GRM8: variants seen among roughly 807,000 people sequenced by gnomAD.
The protein encoded by GRM8 is metabotropic glutamate receptor 8.
In GRM8, 47 loss-of-function variants were observed where a neutral mutation model predicts 87.2. The ratio of observed to expected loss-of-function variants is 0.54; its 90% CI spans 0.43 to 0.69. The LOEUF (loss-of-function observed/expected upper bound fraction) is 0.69. GRM8 is among the 30% of genes least tolerant of loss of function. GRM8 has a pLI of 0.00. For synonymous variants in GRM8, 396 were observed against 404.5 expected (o/e 0.98, Z 0.25); for missense variants, 1,019 against 1,139.2 (o/e 0.89, Z 1.52).
chr7:126,771,944 C>T (rs922262291), intron 6 of GRM8, among the ~76,000 whole-genome samples: 1 of 152,048 alleles, frequency 6.6e-6, no homozygotes, highest in Non-Finnish European at 1.5e-5. Context: ...TCTCCCTATC[C>T]CTAGGTTATA....
chr7:127,129,292 A>G (rs888644704), intron 2 of GRM8, among the ~76,000 whole-genome samples: 46 of 152,282 alleles, frequency 3.0e-4, no homozygotes, highest in African/African-American at 9.6e-4. Context: ...TGCTGAAGCT[A>G]TTAGCTAATA....
intron 6 of GRM8, among the ~76,000 whole-genome samples, chr7:126,900,766 T>C (rs968677707): frequency 6.2e-4 from 95 of 152,240 alleles, no homozygotes; most frequent in African/African-American, 2.1e-3. Flanking sequence ...CACCTCGGCC[T>C]CCCAAAGTGC....
chr7:127,216,618 CT>C (rs986300111), intron 2 of GRM8, among the ~76,000 whole-genome samples: 3 of 151,846 alleles, frequency 2.0e-5, no homozygotes, highest in Non-Finnish European at 4.4e-5. Flanking sequence ...TGCCATTTCC[CT>C]GTTGAAGCAC....
chr7:126,536,288 C>T (rs1815708233), intron 8 of GRM8, among the ~76,000 whole-genome samples: 1 of 152,194 alleles, frequency 6.6e-6, no homozygotes, highest in Admixed American at 6.5e-5. Flanking sequence ...TGAACAATTA[C>T]TTAAGAATGC....
chr7:127,148,782 A>G (rs1464138167), intron 2 of GRM8, among the ~76,000 whole-genome samples: 1 of 152,064 alleles, frequency 6.6e-6, no homozygotes, highest in Non-Finnish European at 1.5e-5. Flanking sequence ...AGGACAAATG[A>G]CAATGCAAAC....
At chr7:127,041,470 G>A (rs1409955836) in intron 3 of GRM8, among the ~76,000 whole-genome samples, 2 of 152,160 alleles carry the variant, frequency 1.3e-5, no homozygotes, top group Admixed American at 6.5e-5. Flanking sequence ...TTCATTTAGA[G>A]CCAATGATCA....
intron 8 of GRM8, among the ~76,000 whole-genome samples, chr7:126,608,248 C>T (rs1798562984): frequency 6.6e-6 from 1 of 151,986 alleles, no homozygotes; most frequent in Non-Finnish European, 1.5e-5. Flanking sequence ...GTGATGGTAC[C>T]TAGCAGCTCT....
At chr7:127,145,423 T>C (rs887070126) in intron 2 of GRM8, among the ~76,000 whole-genome samples, 1 of 152,142 alleles carries the variant, frequency 6.6e-6, no homozygotes, top group Admixed American at 6.6e-5. Context: ...AAGCACAGTA[T>C]ACTAAAGTAT....
chr7:126,480,397 ATAAATAAG>A (rs1806528792), intron 9 of GRM8, among the ~76,000 whole-genome samples: 1 of 75,910 alleles, frequency 1.3e-5, no homozygotes, highest in Non-Finnish European at 3.6e-5. Flanking sequence ...AAATAAATAA[ATAAATAAG>A]TAAGTAAATA....
intron 3 of GRM8, among the ~76,000 whole-genome samples, chr7:126,922,838 C>T (rs1011529700): frequency 7.2e-5 from 11 of 152,126 alleles, no homozygotes; most frequent in South Asian, 2.1e-4. Context: ...TATGTAGCAC[C>T]TCCCCCTCCC....
chr7:126,531,075 A>G (rs987034612), intron 9 of GRM8, among the ~76,000 whole-genome samples: 140 of 152,342 alleles, frequency 9.2e-4, no homozygotes, highest in African/African-American at 3.2e-3. Flanking sequence ...TTGGACAGAG[A>G]ATAGCAGGTA....
At chr7:126,448,537 G>A (rs116165080) in intron 9 of GRM8, among the ~76,000 whole-genome samples, 1,928 of 151,906 alleles carry the variant, frequency 0.013, 54 homozygotes, top group African/African-American at 0.044. Context: ...TAGCTTCCTC[G>A]TTAAATAAAT....
intron 3 of GRM8, among the ~76,000 whole-genome samples, chr7:127,069,245 C>CTCCA: frequency 6.6e-6 from 1 of 152,346 alleles, no homozygotes; most frequent in African/African-American, 2.4e-5. Context: ...TCACTACAAC[C>CTCCA]TCCACCCTGT....
intron 7 of GRM8, among the ~76,000 whole-genome samples, chr7:126,693,054 G>A (rs1157160501): frequency 6.6e-6 from 1 of 152,150 alleles, no homozygotes; most frequent in African/African-American, 2.4e-5. Context: ...CTGGAAGAGT[G>A]AATAACAAAC....
chr7:126,944,142 C>T (rs1314089460), intron 3 of GRM8, among the ~76,000 whole-genome samples: 2 of 152,200 alleles, frequency 1.3e-5, no homozygotes, highest in Non-Finnish European at 2.9e-5. Context: ...GAGCTCCTGG[C>T]AACCTGAGAG....
intron 3 of GRM8, among the ~76,000 whole-genome samples, chr7:127,092,371 G>T (rs1341852194): frequency 6.6e-6 from 1 of 152,122 alleles, no homozygotes. Context: ...ATTAGAGAAG[G>T]CTTCCTGGAA....
At chr7:126,590,362 C>G (rs375881928) in intron 8 of GRM8, among the ~76,000 whole-genome samples, 2 of 151,682 alleles carry the variant, frequency 1.3e-5, no homozygotes, top group Non-Finnish European at 2.9e-5. Flanking sequence ...ATGAACAAAG[C>G]CTGCAAGAAG....
chr7:126,738,374 C>G (rs1053579204), intron 7 of GRM8, among the ~76,000 whole-genome samples: 2 of 151,970 alleles, frequency 1.3e-5, no homozygotes, highest in South Asian at 2.1e-4. Context: ...TAGGAGCAAT[C>G]TAGTGGGGAA....
chr7:126,476,207 G>A (rs1805886843), intron 9 of GRM8, among the ~76,000 whole-genome samples: 1 of 152,052 alleles, frequency 6.6e-6, no homozygotes, highest in African/African-American at 2.4e-5. Flanking sequence ...GACAAACCAA[G>A]TTATGTTGTT....
Sources: allele counts gnomAD v4.1 joint callset (sites outside exome capture counted in the v4.1 genomes callset), GRCh38; gene constraint gnomAD v4.1.1; transcripts MANE v1.5; gene names NCBI Gene and HGNC (gene_info 2026-07-23, HGNC 2026-07-21).